Variants in ADCY2 observed in about 807,000 individuals in gnomAD.
The protein encoded by ADCY2 is adenylate cyclase type 2.
ADCY2 carries 31 observed loss-of-function variants against 125.2 expected under a neutral mutation model. The ratio of observed to expected loss-of-function variants is 0.25; its 90% CI spans 0.19 to 0.33. The LOEUF (loss-of-function observed/expected upper bound fraction) is 0.33. Among genes scored for constraint, ADCY2 ranks in the 10% least tolerant of loss-of-function variants. ADCY2 has a pLI of 1.00. For synonymous variants in ADCY2, 512 were observed against 548.4 expected (o/e 0.93, Z 0.93); for missense variants, 904 against 1,418.2 (o/e 0.64, Z 5.82).
chr5:7,540,100 G>A (rs542055647), intron 3 of ADCY2, among the ~76,000 whole-genome samples: 1 of 152,236 alleles, frequency 6.6e-6, no homozygotes, highest in African/African-American at 2.4e-5. Flanking sequence ...AATACCACGT[G>A]TTCTCACTTA....
chr5:7,771,535 G>A (rs1449672298), intron 17 of ADCY2, among the ~76,000 whole-genome samples: 2 of 152,136 alleles, frequency 1.3e-5, no homozygotes, highest in Non-Finnish European at 2.9e-5. Context: ...ACAGTGTCAG[G>A]TCGAAGTCCT....
At chr5:7,706,996 C>A in intron 8 of ADCY2, 94 bp downstream of exon 8, 1 of 1,490,476 alleles carries the variant, frequency 6.7e-7, no homozygotes, top group Admixed American at 2.0e-5. Context: ...AGTTTTTGAT[C>A]ACTTCTGTTG....
At chr5:7,681,667 G>T (rs1740342924) in intron 4 of ADCY2, among the ~76,000 whole-genome samples, 1 of 152,150 alleles carries the variant, frequency 6.6e-6, no homozygotes, top group Non-Finnish European at 1.5e-5. Context: ...TTCCAGCCTG[G>T]ATTGGGCTTG....
intron 2 of ADCY2, among the ~76,000 whole-genome samples, chr5:7,499,197 G>A (rs1743455059): frequency 6.6e-6 from 1 of 152,054 alleles, no homozygotes; most frequent in South Asian, 2.1e-4. Flanking sequence ...CAGTAGAGAT[G>A]GGGTTTCACC....
chr5:7,411,935 C>T (rs1029005726), intron 1 of ADCY2, among the ~76,000 whole-genome samples: 4 of 152,046 alleles, frequency 2.6e-5, no homozygotes, highest in South Asian at 2.1e-4. Flanking sequence ...ATTGGCCGGG[C>T]GTAGTGGCGG....
intron 2 of ADCY2, among the ~76,000 whole-genome samples, chr5:7,500,472 C>T (rs1293712057): frequency 6.6e-6 from 1 of 152,174 alleles, no homozygotes; most frequent in Non-Finnish European, 1.5e-5. Context: ...AAGGTCAACA[C>T]CAACAGCAAA....
Position 7,682,162 on chromosome 5 carries a change from C to T in ADCY2, c.721-8529C>T, listed in dbSNP as rs368537319. Among the ~76,000 whole-genome samples the T allele has an allele frequency of 2.6e-5, 4 of 152,258 alleles. No individual in the cohort carries two copies. The East Asian group carries it at 5.8e-4, about 22-fold the overall frequency. On this transcript the variant is annotated intron_variant, in intron 4 of 24. Transcript: ENST00000338316. Reference sequence around the variant, plus strand: ...ACTTAGAAATTGTTTAGACCTGGAACTGATATATGGGAAGTGGTTGATAAA... The same window carrying T: ...ACTTAGAAATTGTTTAGACCTGGAATTGATATATGGGAAGTGGTTGATAAA...
At position 7,730,800 on chromosome 5, in the gene ADCY2, G is replaced by A. The variant is rs144779998; in HGVS notation, c.1871+3539G>A. On this transcript the variant is annotated intron_variant, in intron 14 of 24. Transcript: ENST00000338316. The stretch of plus-strand genomic sequence containing the variant: ...TAGGGAGTCTGTCTTTCCTCTCTGA[G>A]TGCTTTTAGGTATCTTTTTTGCTTG... Among the ~76,000 whole-genome samples the A allele has an allele frequency of 5.0e-3, 752 of 149,526 alleles. 8 individuals carry two copies. The highest frequency in any genetic ancestry group is 5.0e-3 in the Non-Finnish European group (337 of 67,516).
chr5:7,660,249 AAGGAAGGAAG>A (rs1739478593), intron 4 of ADCY2, among the ~76,000 whole-genome samples: 1 of 87,944 alleles, frequency 1.1e-5, no homozygotes, highest in African/African-American at 3.1e-5. Context: ...AGAAGGAAGG[AAGGAAGGAAG>A]GAAGGAAGGA....
rs1744636496 is a variant in ADCY2 at position 7,802,731 on chromosome 5, T to G, written c.2775+367T>G. On this transcript the variant is annotated intron_variant, in intron 21 of 24. Coordinates refer to ENST00000338316, the MANE Select transcript of ADCY2 (RefSeq NM_020546.3). This position sits in a 1 kb window ranked among gnomAD's most constrained non-coding sequence, Gnocchi z 4.6. The stretch of plus-strand genomic sequence containing the variant: ...AGACTATTGGTGTGTCTGTGCCTAC[T>G]TCAATGCCTTTGTCAGATATCAACT... 1.3e-5 allele frequency among the ~76,000 whole-genome samples: 2 copies of G among 152,240 alleles called. No homozygotes were observed. Among genetic ancestry groups the G allele is most frequent in the South Asian group, 4.1e-4 (2 of 4,832 alleles).
At chr5:7,567,599 G>A (rs898996940) in intron 3 of ADCY2, among the ~76,000 whole-genome samples, 24 of 152,124 alleles carry the variant, frequency 1.6e-4, no homozygotes, top group Non-Finnish European at 8.8e-5. Flanking sequence ...GACTGGGTGT[G>A]AGTCTAAGTT....
In ADCY2 at chr5:7,827,233, GCCAAC is replaced by G. The variant is rs943494934; in HGVS notation, c.*364_*368del. 6 of 192,168 alleles carry G rather than the reference GCCAAC, an allele frequency of 3.1e-5. No individual in the cohort carries two copies. 11.9% of individuals were successfully genotyped at this position (192,168 alleles called of 1,614,324 possible). ...TCTTTTCTGGAAAATATGGTAGCTC[GCCAAC>G]CGCATCTGCTCATCTGATATTCAAA... On this transcript the variant is annotated 3_prime_UTR_variant, in exon 25 of 25. Transcript: ENST00000338316.
chr5:7,784,561 G>A (rs1744025978), intron 19 of ADCY2, 112 bp downstream of exon 19: 1 of 735,144 alleles, frequency 1.4e-6, no homozygotes, highest in South Asian at 2.0e-5. Context: ...CTAAGAATTA[G>A]AATCATCTTA....
At chr5:7,469,159 A>G (rs1392453793) in intron 2 of ADCY2, among the ~76,000 whole-genome samples, 3 of 152,006 alleles carry the variant, frequency 2.0e-5, no homozygotes, top group African/African-American at 7.2e-5. Flanking sequence ...AAAATTTATA[A>G]CCCAGGCAAA....
intron 16 of ADCY2, among the ~76,000 whole-genome samples, chr5:7,763,051 T>TTTTTTTG (rs1376949415): frequency 1.3e-5 from 2 of 150,636 alleles, no homozygotes; most frequent in African/African-American, 4.9e-5. Flanking sequence ...TCTTTGTTTT[T>TTTTTTTG]TTTGTTTGTT....
rs72709146 is a variant in ADCY2 at position 7,429,204 on chromosome 5, G to T, written c.408+14434G>T. ...GAAAGAGCAGGTACAGTGAGAAGGG[G>T]ACATTGCCTACTGATAAAGGAATTA... On this transcript the variant is annotated intron_variant, in intron 2 of 24. Coordinates refer to ENST00000338316, the MANE Select transcript of ADCY2 (RefSeq NM_020546.3). Among the ~76,000 whole-genome samples the T allele has an allele frequency of 3.4e-3, 524 of 152,294 alleles. 4 individuals are homozygous for T. The highest frequency in any genetic ancestry group is 6.5e-3 in the Non-Finnish European group (445 of 68,022).
At chr5:7,488,724 C>T (rs1252312104) in intron 2 of ADCY2, among the ~76,000 whole-genome samples, 1 of 152,158 alleles carries the variant, frequency 6.6e-6, no homozygotes, top group African/African-American at 2.4e-5. Context: ...GGGAATTTCT[C>T]CCAAGGCCCT....
At chr5:7,707,023 G>C in intron 8 of ADCY2, 121 bp downstream of exon 8, 1 of 1,314,808 alleles carries the variant, frequency 7.6e-7, no homozygotes, top group Non-Finnish European at 1.0e-6. Context: ...TTGGTATCAT[G>C]TTACTCACGC....
chr5:7,696,168 C>G (rs1478605115), intron 6 of ADCY2, among the ~76,000 whole-genome samples: 8 of 152,150 alleles, frequency 5.3e-5, no homozygotes, highest in Non-Finnish European at 1.2e-4. Context: ...AATCTCTCTG[C>G]ATGGTATTAT....
Sources: gnomAD v4.1 joint callset for allele counts (sites outside exome capture counted in the v4.1 genomes callset) on GRCh38, gnomAD v4.1.1 for gene constraint, Gnocchi (gnomAD v3.1) non-coding constraint, MANE v1.5 for transcripts, NCBI Gene and HGNC (gene_info 2026-07-23, HGNC 2026-07-21) for gene names.